The following PHC2 variants were observed in gnomAD, a reference collection of about 807,000 sequenced individuals.
The protein encoded by PHC2 is polyhomeotic-like protein 2.
PHC2 carries 29 observed loss-of-function variants against 87.4 expected under a neutral mutation model. That is an observed-to-expected ratio of 0.33 (90% CI 0.25 to 0.45). The LOEUF (loss-of-function observed/expected upper bound fraction) is 0.45, where lower values mean the gene tolerates loss of function less well. Ranked by LOEUF, PHC2 falls within the 20% of genes least tolerant of loss-of-function variation. PHC2 has a pLI of 1.00. For missense variants in PHC2, 857 were observed against 1,136.7 expected, an observed-to-expected ratio of 0.75 and a Z score of 3.54; for synonymous variants, 438 against 461.7, an observed-to-expected ratio of 0.95 and a Z score of 0.66.
chr1:33,370,834 G>A (rs997497630), intron 4 of PHC2, among the ~76,000 whole-genome samples, 183 bp downstream of exon 4: 2 of 152,138 alleles, frequency 1.3e-5, no homozygotes, highest in Non-Finnish European at 2.9e-5. Context: ...CTGGGAGGAT[G>A]ACAGGGAGTT....
In PHC2 at chr1:33,347,492, C is replaced by T. The variant is rs550117341; in HGVS notation, c.1558+6909G>A. The T allele has an allele frequency of 4.6e-4, 456 of 985,004 alleles. 1 individual carries two copies. The highest frequency in any genetic ancestry group is 2.4e-3 in the South Asian group (51 of 21,254). 61.0% of individuals were successfully genotyped at this position (985,004 alleles called of 1,614,324 possible). A position where few individuals can be genotyped will look rare whatever the true frequency, so the allele number is the denominator to read the frequency against. ...GGACCTGGGAGAGAGTGGAAAGGGC[C>T]AGGAGGTGGGGACATGATGAAACAC... On this transcript the variant is annotated intron_variant, in intron 9 of 14. Transcript: ENST00000683057.
At chr1:33,363,016 T>C (rs1326008806) in intron 7 of PHC2, 3 of 152,244 alleles carry the variant, frequency 2.0e-5, no homozygotes, top group Non-Finnish European at 4.4e-5. Context: ...AAGCATTTAG[T>C]GCAGTATGTG....
chr1:33,406,013 AT>A (rs1241027971), intron 1 of PHC2, among the ~76,000 whole-genome samples: 2 of 152,030 alleles, frequency 1.3e-5, no homozygotes, highest in African/African-American at 4.8e-5. Context: ...AAATTTGACA[AT>A]TGTGTTATTC....
chr1:33,380,640 G>T (rs1648448874), intron 1 of PHC2, among the ~76,000 whole-genome samples: 1 of 152,218 alleles, frequency 6.6e-6, no homozygotes, highest in Non-Finnish European at 1.5e-5. Flanking sequence ...GCAATGGAAT[G>T]AACACGGCAT....
intron 7 of PHC2, among the ~76,000 whole-genome samples, chr1:33,356,267 A>ATG (rs1553185654): frequency 4.6e-4 from 43 of 92,766 alleles, no homozygotes; most frequent in Non-Finnish European, 7.9e-4. Flanking sequence ...ATATATATAT[A>ATG]TATATATATG....
intron 1 of PHC2, among the ~76,000 whole-genome samples, chr1:33,421,146 T>C (rs1277827712): frequency 1.3e-5 from 2 of 152,216 alleles, no homozygotes; most frequent in Admixed American, 1.3e-4. Flanking sequence ...TATCTTCAGT[T>C]TCTTTATTGT....
intron 1 of PHC2, among the ~76,000 whole-genome samples, chr1:33,378,365 A>G (rs1379986659): frequency 3.9e-5 from 6 of 152,350 alleles, no homozygotes; most frequent in East Asian, 1.9e-4. Flanking sequence ...AAATCAGTAA[A>G]TGATAGTTCC....
chr1:33,397,633 C>T (rs548122496), intron 1 of PHC2, among the ~76,000 whole-genome samples: 1 of 152,162 alleles, frequency 6.6e-6, no homozygotes, highest in African/African-American at 2.4e-5. Flanking sequence ...CCTCTGGCAG[C>T]ACGGCAGCTC....
chr1:33,330,841 C>T (rs1000021276), intron 12 of PHC2, among the ~76,000 whole-genome samples: 2 of 152,184 alleles, frequency 1.3e-5, no homozygotes, highest in East Asian at 3.8e-4. Flanking sequence ...GGCTTCCTAA[C>T]CTGTATAAAG....
At chr1:33,420,426 G>T (rs780691565) in intron 1 of PHC2, among the ~76,000 whole-genome samples, 1 of 152,104 alleles carries the variant, frequency 6.6e-6, no homozygotes, top group Non-Finnish European at 1.5e-5. Context: ...TAGACTTGGT[G>T]ATGGCAGTTA....
rs201259039 is a variant in PHC2 at position 33,330,173 on chromosome 1, G to A, written c.2046C>T (p.His682=). The change falls in exon 13 of 15, where the codon CAC becomes CAT. Residue 682 remains histidine (H), a synonymous_variant. Transcript: ENST00000683057. ...VGCTKRVGLF[H]SDRSKLQKAG... is the part of the protein sequence containing the mutation. ...CCTTCTGCAGCTTGCTCCGGTCTGA[G>A]TGGAAAAGTCCCACCCGTTTGGTGC... 3.1e-6 allele frequency: 5 copies of A among 1,614,204 alleles called. No individual in the cohort carries two copies. Among genetic ancestry groups the A allele is most frequent in the East Asian group, 2.2e-5 (1 of 44,890 alleles).
At chr1:33,404,834 G>C (rs772338416) in intron 1 of PHC2, among the ~76,000 whole-genome samples, 2 of 152,326 alleles carry the variant, frequency 1.3e-5, no homozygotes, top group Middle Eastern at 3.4e-3. Flanking sequence ...TAGATTGAGT[G>C]GTCAGGAAAG....
At chr1:33,414,615 C>T (rs1650128523) in intron 1 of PHC2, among the ~76,000 whole-genome samples, 1 of 152,208 alleles carries the variant, frequency 6.6e-6, no homozygotes, top group African/African-American at 2.4e-5. Flanking sequence ...GTAAATCACA[C>T]TCTGGTCTGC....
chr1:33,396,193 C>T, intron 1 of PHC2, among the ~76,000 whole-genome samples: 1 of 152,148 alleles, frequency 6.6e-6, no homozygotes, highest in Non-Finnish European at 1.5e-5. Context: ...GGGTTTGTAT[C>T]CCTAGTCTTC....
chr1:33,357,608 G>A (rs537163086), intron 7 of PHC2, among the ~76,000 whole-genome samples: 2 of 152,260 alleles, frequency 1.3e-5, no homozygotes, highest in East Asian at 3.9e-4. Flanking sequence ...GGTTGATGGC[G>A]GAACCTTTGT....
rs981597686 is a variant in PHC2 at position 33,370,933 on chromosome 1, G to A, written c.411+84C>T. 70 of 1,100,608 alleles carry A rather than the reference G, an allele frequency of 6.4e-5. No homozygotes were observed. The East Asian group carries it at 1.0e-3, about 16-fold the overall frequency. 68.2% of individuals were successfully genotyped at this position (1,100,608 alleles called of 1,614,324 possible). On this transcript the variant is annotated intron_variant, in intron 4 of 14. Transcript: ENST00000683057. ...TCCAGCCATGATGCTACATGGCCAC[G>A]GATTCACCACAACTGGGTCTGGGAA...
intron 7 of PHC2, chr1:33,363,631 G>T: frequency 8.0e-6 from 3 of 372,776 alleles, no homozygotes; most frequent in Non-Finnish European, 7.4e-6. Context: ...ACAAAGACCT[G>T]GCATCTGGAG....
chr1:33,372,533 T>C (rs1402124196), intron 2 of PHC2, 86 bp from the exon 3 acceptor site: 1 of 1,225,688 alleles, frequency 8.2e-7, no homozygotes, highest in Non-Finnish European at 1.1e-6. Flanking sequence ...CCACCCCAGG[T>C]CTCTATAACT....
intron 9 of PHC2, among the ~76,000 whole-genome samples, chr1:33,338,936 T>C (rs1646693312): frequency 6.6e-6 from 1 of 152,214 alleles, no homozygotes; most frequent in African/African-American, 2.4e-5. Context: ...GGGCCAAGTA[T>C]TCCGGTCAGA....
Sources: allele counts gnomAD v4.1 joint callset (sites outside exome capture counted in the v4.1 genomes callset), GRCh38; gene constraint gnomAD v4.1.1; transcripts MANE v1.5; gene names NCBI Gene and HGNC (gene_info 2026-07-23, HGNC 2026-07-21).